Variants in NUDCD3 observed in about 807,000 individuals in gnomAD.
NUDCD3 encodes NudC domain containing 3.
NUDCD3 carries 13 observed loss-of-function variants against 39.7 expected under a neutral mutation model. The observed-to-expected ratio is 0.33, with a 90% CI of 0.21 to 0.52. The LOEUF (loss-of-function observed/expected upper bound fraction) is 0.52, where lower values mean the gene tolerates loss of function less well. Among genes scored for constraint, NUDCD3 ranks in the 20% least tolerant of loss-of-function variants. NUDCD3 has a pLI of 0.96. For missense variants in NUDCD3, 453 were observed against 458.1 expected, an observed-to-expected ratio of 0.99 and a Z score of 0.10; for synonymous variants, 175 against 172.4, an observed-to-expected ratio of 1.02 and a Z score of -0.12.
At chr7:44,432,818 T>G (rs1201640306) in intron 2 of NUDCD3, among the ~76,000 whole-genome samples, 1 of 152,234 alleles carries the variant, frequency 6.6e-6, no homozygotes, top group African/African-American at 2.4e-5. Flanking sequence ...GTGTAAGAGC[T>G]GTCATCACAC....
At chr7:44,449,292 G>A (rs1034775014) in intron 2 of NUDCD3, among the ~76,000 whole-genome samples, 5 of 152,156 alleles carry the variant, frequency 3.3e-5, no homozygotes, top group African/African-American at 1.2e-4. Context: ...CAACGAAAAG[G>A]GACAGTTGAT....
At chr7:44,481,256 A>G (rs528966868) in intron 2 of NUDCD3, 1 of 152,232 alleles carries the variant, frequency 6.6e-6, no homozygotes, top group Non-Finnish European at 1.5e-5. Context: ...GGATAAGTGT[A>G]TTTATTAAGA....
chr7:44,398,729 C>T (rs1228313259), intron 4 of NUDCD3, among the ~76,000 whole-genome samples: 1 of 152,178 alleles, frequency 6.6e-6, no homozygotes, highest in Non-Finnish European at 1.5e-5. Flanking sequence ...CACAGCTGCC[C>T]GCGTGATCGA....
chr7:44,381,369 CAA>C lies in NUDCD3; in HGVS notation c.*4640_*4641del. On this transcript the variant is annotated 3_prime_UTR_variant, in exon 6 of 6. Coordinates refer to ENST00000355451, the MANE Select transcript of NUDCD3 (RefSeq NM_015332.4). The stretch of plus-strand genomic sequence containing the variant: ...TGCTCTTTGGTTCTGGGGAGGAGCG[CAA>C]AGTGACTGGGCTCAGGTGAAGGAGC... 6.6e-6 allele frequency: 1 copy of C among 152,426 alleles called. No individual in the cohort carries two copies. Among genetic ancestry groups the C allele is most frequent in the Non-Finnish European group, 1.5e-5 (1 of 68,142 alleles). 9.4% of individuals were successfully genotyped at this position (152,426 alleles called of 1,614,324 possible).
intron 3 of NUDCD3, among the ~76,000 whole-genome samples, chr7:44,406,850 G>A (rs1798830685): frequency 6.6e-6 from 1 of 152,198 alleles, no homozygotes; most frequent in South Asian, 2.1e-4. Context: ...AGGGGCACAG[G>A]AGACAAATCC....
At chr7:44,424,298 C>T (rs1310425685) in intron 3 of NUDCD3, among the ~76,000 whole-genome samples, 4 of 152,148 alleles carry the variant, frequency 2.6e-5, no homozygotes, top group African/African-American at 9.7e-5. Flanking sequence ...CAAATGGGAT[C>T]TAATTAAACT....
chr7:44,488,338 GA>G (rs368893785), intron 1 of NUDCD3, among the ~76,000 whole-genome samples: 1,496 of 108,218 alleles, frequency 0.014, 22 homozygotes, highest in African/African-American at 0.041. Context: ...CCATCTCCAG[GA>G]AAAAAAAAAA....
chr7:44,454,944 C>T (rs1376314532), intron 2 of NUDCD3, among the ~76,000 whole-genome samples: 1 of 151,654 alleles, frequency 6.6e-6, no homozygotes, highest in South Asian at 2.1e-4. Flanking sequence ...AAAACACACA[C>T]ACACACACAC....
At chr7:44,470,270 C>T (rs1800227180) in intron 2 of NUDCD3, among the ~76,000 whole-genome samples, 1 of 152,136 alleles carries the variant, frequency 6.6e-6, no homozygotes, top group Non-Finnish European at 1.5e-5. Context: ...CCACAGCAGC[C>T]AGCAGCCAGA....
intron 2 of NUDCD3, among the ~76,000 whole-genome samples, chr7:44,451,506 C>A (rs144745567): frequency 5.3e-5 from 8 of 152,246 alleles, no homozygotes; most frequent in Admixed American, 2.0e-4. Flanking sequence ...TATTGTACTG[C>A]AATTTTCAGA....
Position 44,385,661 on chromosome 7 carries a change from A to G in NUDCD3, c.*350T>C. The G allele has an allele frequency of 3.7e-6, 1 of 268,008 alleles. No individual in the cohort carries two copies. The highest frequency in any genetic ancestry group is 7.1e-6 in the Non-Finnish European group (1 of 141,274). The allele number at this position is 268,008 out of a possible 1,614,324, so 16.6% of individuals were successfully genotyped here. A position where few individuals can be genotyped will look rare whatever the true frequency, so the allele number is the denominator to read the frequency against. On this transcript the variant is annotated 3_prime_UTR_variant, in exon 6 of 6. Transcript: ENST00000355451. Reference sequence around the variant, plus strand: ...AAGACATGCAAGCAGAATAGCGTCAAAACAACAGCAAGCAGAGAGCAGGGG... The same window carrying G: ...AAGACATGCAAGCAGAATAGCGTCAGAACAACAGCAAGCAGAGAGCAGGGG...
intron 5 of NUDCD3, among the ~76,000 whole-genome samples, chr7:44,389,212 T>G (rs756595384): frequency 6.6e-6 from 1 of 152,210 alleles, no homozygotes; most frequent in African/African-American, 2.4e-5. Context: ...ATACATACAA[T>G]GTGTAGTGCT....
chr7:44,388,341 T>C (rs960356259), intron 5 of NUDCD3, among the ~76,000 whole-genome samples: 1 of 152,198 alleles, frequency 6.6e-6, no homozygotes, highest in Non-Finnish European at 1.5e-5. Flanking sequence ...GTGAAGCAAC[T>C]CCGGCCCCCT....
chr7:44,389,981 T>C (rs182320917), intron 5 of NUDCD3, among the ~76,000 whole-genome samples: 1 of 152,256 alleles, frequency 6.6e-6, no homozygotes, highest in Admixed American at 6.5e-5. Flanking sequence ...TATAAAGTTC[T>C]GTAAGAGATA....
Position 44,427,707 on chromosome 7 carries a change from A to G in NUDCD3, c.510-4T>C, listed in dbSNP as rs1799265200. On this transcript the variant is annotated splice_polypyrimidine_tract_variant and splice_region_variant and intron_variant, in intron 2 of 5. Coordinates refer to ENST00000355451, the MANE Select transcript of NUDCD3 (RefSeq NM_015332.4). ...TTTCTGGAACTGCTCCTGAATCCTG[A>G]GAAAGAATAAAAAATGTGATCCCAG... is the stretch of plus-strand genomic sequence containing the variant. 1.2e-6 allele frequency: 2 copies of G among 1,613,702 alleles called. No homozygotes were observed. The highest frequency in any genetic ancestry group is 1.7e-6 in the Non-Finnish European group (2 of 1,179,880).
At chr7:44,461,874 G>T (rs897062654) in intron 2 of NUDCD3, among the ~76,000 whole-genome samples, 2 of 152,104 alleles carry the variant, frequency 1.3e-5, no homozygotes, top group Non-Finnish European at 2.9e-5. Flanking sequence ...AGGGAGGAAG[G>T]GGTCCTGGAA....
At chr7:44,484,041 C>G (rs1431101801) in intron 2 of NUDCD3, among the ~76,000 whole-genome samples, 1 of 152,122 alleles carries the variant, frequency 6.6e-6, no homozygotes, top group Non-Finnish European at 1.5e-5. Flanking sequence ...CACACAATCT[C>G]CCCCAAAACA....
chr7:44,404,488 G>C lies in NUDCD3; in HGVS notation c.738C>G (p.Ile246Met), dbSNP rs1798779652. Residue 246 changes from isoleucine (I) to methionine (M), a missense_variant, in exon 4 of 6, where the codon ATC becomes ATG. Physicochemically the swap from Ile to Met is conservative, Grantham distance 10 (BLOSUM62 1). Transcript: ENST00000355451. ...VLMEGKLTHK[I>M]NTESSLWSLE... ...GACTCCAGAGAGAACTCTCAGTGTT[G>C]ATCTTGTGGGTGAGCTTCCCTTCCA... 1 of 1,613,984 alleles carries C rather than the reference G, an allele frequency of 6.2e-7. No homozygotes were observed. The highest frequency in any genetic ancestry group is 1.3e-5 in the African/African-American group (1 of 74,912).
chr7:44,478,758 A>T (rs891445120), intron 2 of NUDCD3, among the ~76,000 whole-genome samples: 17 of 152,206 alleles, frequency 1.1e-4, no homozygotes, highest in Non-Finnish European at 2.5e-4. Flanking sequence ...CAAAAATACT[A>T]TAAATGAAAC....
Sources: allele counts gnomAD v4.1 joint callset (sites outside exome capture counted in the v4.1 genomes callset), GRCh38; gene constraint gnomAD v4.1.1; transcripts MANE v1.5; gene names NCBI Gene and HGNC (gene_info 2026-07-23, HGNC 2026-07-21).